The following SIPA1L2 variants were observed in gnomAD, a reference collection of about 807,000 sequenced individuals.
SIPA1L2 encodes the protein signal induced proliferation associated 1 like 2, also known as signal-induced proliferation-associated 1-like protein 2.
A neutral mutation model predicts 163.9 loss-of-function variants in SIPA1L2; 56 were observed. The observed-to-expected ratio is 0.34, with a 90% CI of 0.28 to 0.43. SIPA1L2 has a LOEUF of 0.43. Ranked by LOEUF, SIPA1L2 falls within the 20% of genes least tolerant of loss-of-function variation. The pLI is 1.00. For synonymous variants in SIPA1L2, 877 were observed against 865.7 expected (o/e 1.01, Z -0.23); for missense variants, 1,974 against 2,193.5 (o/e 0.90, Z 2.00).
intron 1 of SIPA1L2, among the ~76,000 whole-genome samples, chr1:232,577,977 G>C (rs1660167020): frequency 1.3e-5 from 2 of 152,106 alleles, no homozygotes; most frequent in Non-Finnish European, 2.9e-5. Flanking sequence ...TTCATGAAAG[G>C]AAGAGCCGAT....
Position 232,458,222 on chromosome 1 carries a change from C to A in SIPA1L2, c.3095+2665G>T, listed in dbSNP as rs113463598. ...TAATGAGACTCCTAGGAGGCAAGGG[C>A]AAAATCTTTAAATAAATATCTTGCC... On this transcript the variant is annotated intron_variant, in intron 10 of 22. Coordinates refer to ENST00000674635, the MANE Select transcript of SIPA1L2 (RefSeq NM_020808.5). Among the ~76,000 whole-genome samples, 1,004 of 152,240 alleles carry A rather than the reference C, an allele frequency of 6.6e-3. 11 individuals are homozygous for A. Among genetic ancestry groups the A allele is most frequent in the African/African-American group, 0.021 (857 of 41,544 alleles).
At chr1:232,597,495 G>A (rs191737538) in intron 1 of SIPA1L2, among the ~76,000 whole-genome samples, 236 of 150,124 alleles carry the variant, frequency 1.6e-3, no homozygotes, top group Admixed American at 3.9e-3. Flanking sequence ...GGCTAACACG[G>A]TGAAACCCCG....
chr1:232,467,596 G>A (rs1664591198), intron 8 of SIPA1L2, among the ~76,000 whole-genome samples: 1 of 152,184 alleles, frequency 6.6e-6, no homozygotes, highest in African/African-American at 2.4e-5. Context: ...GGGTCTCTCT[G>A]TGCACTGCAA....
chr1:232,439,084 A>AC (rs1662734465), intron 15 of SIPA1L2, 24 bp downstream of exon 15: 2 of 1,573,206 alleles, frequency 1.3e-6, no homozygotes, highest in African/African-American at 1.3e-5. Context: ...AGCAGGTACT[A>AC]CTCTGCAGTG....
intron 2 of SIPA1L2, among the ~76,000 whole-genome samples, chr1:232,533,771 A>C (rs1303194072): frequency 2.0e-5 from 3 of 152,202 alleles, no homozygotes; most frequent in Non-Finnish European, 4.4e-5. Flanking sequence ...CACTTTGCTC[A>C]GAGACTCCAA....
At chr1:232,435,520 T>C (rs867179341) in intron 15 of SIPA1L2, among the ~76,000 whole-genome samples, 2 of 152,332 alleles carry the variant, frequency 1.3e-5, no homozygotes, top group Middle Eastern at 3.4e-3. Flanking sequence ...TTCGGAGTTA[T>C]ACTGCTGACG....
At position 232,447,595 on chromosome 1, in the gene SIPA1L2, C is replaced by A. The variant is rs1421164239; in HGVS notation, c.3096-1809G>T. On this transcript the variant is annotated intron_variant, in intron 10 of 22. Coordinates refer to ENST00000674635, the MANE Select transcript of SIPA1L2 (RefSeq NM_020808.5). ...AGGCACCTTTCTGACACAAGCCATG[C>A]AAGTGCATGCAGTAGCCCCATTCTT... is the stretch of plus-strand genomic sequence containing the variant. Among the ~76,000 whole-genome samples the A allele has an allele frequency of 2.0e-5, 3 of 152,356 alleles. No homozygotes were observed. The East Asian group carries it at 5.8e-4, about 29-fold the overall frequency.
chr1:232,446,680 TTC>T (rs1663235146), intron 10 of SIPA1L2, among the ~76,000 whole-genome samples: 1 of 152,250 alleles, frequency 6.6e-6, no homozygotes, highest in South Asian at 2.1e-4. Flanking sequence ...ATTCTAAGGT[TTC>T]TCTCTCTTTC....
At chr1:232,621,796 A>C (rs1233280448) in intron 1 of SIPA1L2, among the ~76,000 whole-genome samples, 1 of 151,720 alleles carries the variant, frequency 6.6e-6, no homozygotes, top group African/African-American at 2.4e-5. Context: ...CACTGGCACG[A>C]TCAGCCCACC....
chr1:232,576,507 C>A (rs1033241497), intron 1 of SIPA1L2, among the ~76,000 whole-genome samples: 1 of 152,176 alleles, frequency 6.6e-6, no homozygotes, highest in Non-Finnish European at 1.5e-5. Flanking sequence ...CTCCTCAGAC[C>A]TCCCGATTCC....
At chr1:232,530,876 T>C (rs1656876659) in intron 2 of SIPA1L2, among the ~76,000 whole-genome samples, 1 of 152,214 alleles carries the variant, frequency 6.6e-6, no homozygotes, top group Non-Finnish European at 1.5e-5. Flanking sequence ...CTGAACCATC[T>C]TCCATTTAAG....
rs768677657 is a variant in SIPA1L2, at chr1:232,432,368, C to A, written c.4135G>T (p.Val1379Phe). The change falls in exon 16 of 23, where the codon GTT becomes TTT. Residue 1379 changes from valine to phenylalanine, a missense_variant. Physicochemically the swap from Val to Phe is conservative, Grantham distance 50. Around this residue, in one of 3 missense-constraint regions of SIPA1L2, gnomAD observed 1,079 missense variants for 1,150.7 expected, o/e 0.94. Transcript: ENST00000674635. ...TAGGGCTTGGACATGGACCCGGGAA[C>A]CTGTTGTCCGCTGCTGTGAGACACG... ...YIVSHSSGQQ[V>F]PGSMSKPYHR... The A allele has an allele frequency of 3.7e-6, 6 of 1,614,178 alleles. No homozygotes were observed. In the East Asian group the frequency reaches 8.9e-5, roughly 24 times the overall value.
At chr1:232,479,544 G>T in intron 7 of SIPA1L2, 83 bp downstream of exon 7, 1 of 1,075,636 alleles carries the variant, frequency 9.3e-7, no homozygotes, top group Non-Finnish European at 1.4e-6. Context: ...TTCTTTGCAA[G>T]TTCTACATGC....
At chr1:232,602,550 TG>T (rs1661659525) in intron 1 of SIPA1L2, among the ~76,000 whole-genome samples, 1 of 152,076 alleles carries the variant, frequency 6.6e-6, no homozygotes, top group Non-Finnish European at 1.5e-5. Context: ...AGGCTGGTCT[TG>T]AACTCCTGAC....
At chr1:232,502,562 G>A (rs969363370) in intron 3 of SIPA1L2, among the ~76,000 whole-genome samples, 5 of 150,464 alleles carry the variant, frequency 3.3e-5, no homozygotes, top group African/African-American at 1.2e-4. Flanking sequence ...AAGATGGCAG[G>A]TGAATTAAAA....
At chr1:232,424,054 C>G (rs533336458) in intron 18 of SIPA1L2, among the ~76,000 whole-genome samples, 1 of 151,992 alleles carries the variant, frequency 6.6e-6, no homozygotes, top group Non-Finnish European at 1.5e-5. Flanking sequence ...ACTGTAATGG[C>G]GGATACATGT....
chr1:232,574,220 A>C lies in SIPA1L2; in HGVS notation c.-316T>G, dbSNP rs1309605171. Among the ~76,000 whole-genome samples, 4 of 152,206 alleles carry C rather than the reference A, an allele frequency of 2.6e-5. No individual in the cohort carries two copies. Among genetic ancestry groups the C allele is most frequent in the African/African-American group, 9.7e-5 (4 of 41,442 alleles). On this transcript the variant is annotated splice_region_variant and 5_prime_UTR_variant, in exon 2 of 23. Coordinates refer to ENST00000674635, the MANE Select transcript of SIPA1L2 (RefSeq NM_020808.5). ...GCTCCTGCTCACACAGCCTGGCAAG[A>C]ACCTACAAATGAAGAAAGAGACCCA... is the stretch of plus-strand genomic sequence containing the variant.
chr1:232,514,071 C>A lies in SIPA1L2; in HGVS notation c.1269G>T (p.Arg423=). 1 of 1,614,204 alleles carries A rather than the reference C, an allele frequency of 6.2e-7. No individual in the cohort carries two copies. Among genetic ancestry groups the A allele is most frequent in the Non-Finnish European group, 8.5e-7 (1 of 1,180,026 alleles). Residue 423 remains arginine (R), a synonymous_variant, in exon 3 of 23, where the codon CGG becomes CGT. Coordinates refer to ENST00000674635, the MANE Select transcript of SIPA1L2 (RefSeq NM_020808.5). ...RNETGGEGDR[R]IALSRANSSS... is the part of the protein sequence containing the mutation. ...ATGAGTTGGCTCGAGAGAGCGCAATCCGCCTGTCGCCTTCCCCTCCAGTCT... is the reference window on the plus strand; with the variant it reads ...ATGAGTTGGCTCGAGAGAGCGCAATACGCCTGTCGCCTTCCCCTCCAGTCT...
chr1:232,442,569 GA>G (rs1354346558), intron 12 of SIPA1L2, among the ~76,000 whole-genome samples: 4 of 142,784 alleles, frequency 2.8e-5, no homozygotes, highest in Non-Finnish European at 6.0e-5. Context: ...AAAAAAAAAG[GA>G]AAAAAAAGAT....
Sources: gnomAD v4.1 joint callset for allele counts (sites outside exome capture counted in the v4.1 genomes callset) on GRCh38, gnomAD v4.1.1 for gene constraint, gnomAD v4.1.1 regional missense constraint, MANE v1.5 for transcripts, NCBI Gene and HGNC (gene_info 2026-07-23, HGNC 2026-07-21) for gene names.